EDIL3: variants seen among roughly 807,000 people sequenced by gnomAD.
EDIL3 encodes EGF-like repeat and discoidin I-like domain-containing protein 3.
EDIL3 carries 37 observed loss-of-function variants against 67.4 expected under a neutral mutation model. The ratio of observed to expected loss-of-function variants is 0.55; its 90% CI spans 0.42 to 0.72. EDIL3 has a LOEUF of 0.72. Among genes scored for constraint, EDIL3 ranks in the 30% least tolerant of loss-of-function variants. The probability of loss-of-function intolerance (pLI) is 0.00; values close to 1 mark genes in which losing one functional copy is unlikely to be tolerated. For synonymous variants in EDIL3, 195 were observed against 196.3 expected (o/e 0.99, Z 0.05); for missense variants, 527 against 586.3 (o/e 0.90, Z 1.04).
At chr5:84,236,550 T>C (rs1744686529) in intron 2 of EDIL3, among the ~76,000 whole-genome samples, 1 of 152,106 alleles carries the variant, frequency 6.6e-6, no homozygotes, top group Non-Finnish European at 1.5e-5. Context: ...TCTCCAGATA[T>C]TCCCTTCTAA....
intron 3 of EDIL3, among the ~76,000 whole-genome samples, chr5:84,215,293 GCC>G (rs1489629416): frequency 6.6e-6 from 1 of 151,028 alleles, no homozygotes; most frequent in Non-Finnish European, 1.5e-5. Context: ...TTGCTCTGTC[GCC>G]CAGGCTGGAG....
In EDIL3 at chr5:84,161,891, A is replaced by C. The variant is rs376074667; in HGVS notation, c.355+18502T>G. Among the ~76,000 whole-genome samples, 348 of 152,286 alleles carry C rather than the reference A, an allele frequency of 2.3e-3. 1 individual carries two copies. The highest frequency in any genetic ancestry group is 3.4e-3 in the Middle Eastern group (1 of 294). On this transcript the variant is annotated intron_variant, in intron 4 of 10. Coordinates refer to ENST00000296591, the MANE Select transcript of EDIL3 (RefSeq NM_005711.5). ...TATCTTTCTAACAATGTGGAAGACT[A>C]GGTTGGAATTTAGAACTCTAAATTT...
intron 9 of EDIL3, among the ~76,000 whole-genome samples, chr5:83,988,517 A>C (rs1745094144): frequency 1.3e-5 from 2 of 152,136 alleles, no homozygotes; most frequent in Non-Finnish European, 2.9e-5. Flanking sequence ...GGAGTGGAAG[A>C]GCTCTCTCTG....
At chr5:84,197,439 A>T (rs1246899555) in intron 3 of EDIL3, among the ~76,000 whole-genome samples, 1 of 151,842 alleles carries the variant, frequency 6.6e-6, no homozygotes, top group Non-Finnish European at 1.5e-5. Context: ...CTCAAAGTTA[A>T]GTAAAGCAGT....
At chr5:84,022,452 C>T (rs1301205518) in intron 9 of EDIL3, among the ~76,000 whole-genome samples, 1 of 151,882 alleles carries the variant, frequency 6.6e-6, no homozygotes, top group Non-Finnish European at 1.5e-5. Context: ...TAAGCCACAG[C>T]TACACAAATT....
In EDIL3 at chr5:84,229,758, G is replaced by T. The variant is rs111677737; in HGVS notation, c.226+97C>A. ...ATAAACAAACCTGTGCCAATTTTCT[G>T]GTTGAAATCTGAAAAAATATTACTC... On this transcript the variant is annotated intron_variant, in intron 3 of 10. Coordinates refer to ENST00000296591, the MANE Select transcript of EDIL3 (RefSeq NM_005711.5). 233 of 1,292,544 alleles carry T rather than the reference G, an allele frequency of 1.8e-4. No individual in the cohort carries two copies. The African/African-American group carries it at 3.0e-3, about 17-fold the overall frequency. 80.1% of individuals were successfully genotyped at this position (1,292,544 alleles called of 1,614,324 possible). A position where few individuals can be genotyped will look rare whatever the true frequency, so the allele number is the denominator to read the frequency against.
intron 6 of EDIL3, among the ~76,000 whole-genome samples, chr5:84,097,203 C>A (rs1747280392): frequency 6.6e-6 from 1 of 152,062 alleles, no homozygotes; most frequent in Admixed American, 6.6e-5. Flanking sequence ...AAAAAGGGAA[C>A]ATATTAAGAT....
At chr5:83,993,747 A>G (rs552776384) in intron 9 of EDIL3, among the ~76,000 whole-genome samples, 1 of 152,306 alleles carries the variant, frequency 6.6e-6, no homozygotes, top group African/African-American at 2.4e-5. Context: ...CAAGGAATTT[A>G]AATGTGTAAA....
chr5:84,075,446 C>A (rs981690521), intron 6 of EDIL3, among the ~76,000 whole-genome samples: 3 of 151,814 alleles, frequency 2.0e-5, no homozygotes, highest in African/African-American at 7.3e-5. Flanking sequence ...TTTGCAACAT[C>A]CAAATTTGAC....
intron 5 of EDIL3, among the ~76,000 whole-genome samples, chr5:84,113,481 C>G (rs1238169299): frequency 6.6e-6 from 1 of 152,142 alleles, no homozygotes; most frequent in African/African-American, 2.4e-5. Flanking sequence ...GCTGGGCTAG[C>G]TGGGGGCCAA....
At chr5:84,137,712 C>T (rs1388414357) in intron 4 of EDIL3, among the ~76,000 whole-genome samples, 1 of 152,086 alleles carries the variant, frequency 6.6e-6, no homozygotes, top group African/African-American at 2.4e-5. Flanking sequence ...CTTACAAGAT[C>T]GAGAAACCTC....
intron 6 of EDIL3, among the ~76,000 whole-genome samples, chr5:84,096,524 G>A (rs765610247): frequency 3.3e-5 from 5 of 152,164 alleles, no homozygotes; most frequent in East Asian, 1.9e-4. Flanking sequence ...TGGAATGGCC[G>A]TATTTAACTA....
intron 4 of EDIL3, among the ~76,000 whole-genome samples, chr5:84,143,211 C>T (rs1424628416): frequency 1.3e-5 from 2 of 152,106 alleles, no homozygotes; most frequent in Non-Finnish European, 2.9e-5. Context: ...TAATTTATTT[C>T]CCAGTCACTT....
At chr5:84,384,193 G>T in intron 1 of EDIL3, 115 bp downstream of exon 1, 2 of 1,332,922 alleles carry the variant, frequency 1.5e-6, no homozygotes, top group Non-Finnish European at 2.0e-6. Context: ...CGCGCCGCCA[G>T]CGGCGCTCGC....
At chr5:84,204,862 T>C (rs1402208703) in intron 3 of EDIL3, among the ~76,000 whole-genome samples, 14 of 151,954 alleles carry the variant, frequency 9.2e-5, no homozygotes, top group African/African-American at 3.1e-4. Context: ...TTTTTTATAA[T>C]TTTTAAATGT....
At chr5:84,044,085 G>A (rs1034565678) in intron 9 of EDIL3, among the ~76,000 whole-genome samples, 1 of 151,906 alleles carries the variant, frequency 6.6e-6, no homozygotes, top group African/African-American at 2.4e-5. Flanking sequence ...AGGCCCCTGT[G>A]TGTGATGTCC....
At chr5:84,187,153 T>C (rs1438168266) in intron 3 of EDIL3, among the ~76,000 whole-genome samples, 1 of 152,032 alleles carries the variant, frequency 6.6e-6, no homozygotes, top group African/African-American at 2.4e-5. Flanking sequence ...GGACAGCATA[T>C]GATCAATATT....
At chr5:84,300,238 C>T (rs1395930036) in intron 1 of EDIL3, among the ~76,000 whole-genome samples, 1 of 152,188 alleles carries the variant, frequency 6.6e-6, no homozygotes, top group Non-Finnish European at 1.5e-5. Flanking sequence ...AGCAACCTTG[C>T]ATCTCTTTGA....
Position 84,051,422 on chromosome 5 carries a change from G to A in EDIL3, c.1137+8878C>T, listed in dbSNP as rs544174984. ...AGCACCTCTCCTCCTGCAAAGGAAC[G>A]CAGCTCCTCACCAGCAACGGAACAA... On this transcript the variant is annotated intron_variant, in intron 9 of 10. Coordinates refer to ENST00000296591, the MANE Select transcript of EDIL3 (RefSeq NM_005711.5). 7.9e-5 allele frequency among the ~76,000 whole-genome samples: 12 copies of A among 152,306 alleles called. 1 individual carries two copies. The highest frequency in any genetic ancestry group is 5.8e-4 in the East Asian group (3 of 5,182).
Sources: allele counts gnomAD v4.1 joint callset (sites outside exome capture counted in the v4.1 genomes callset), GRCh38; gene constraint gnomAD v4.1.1; transcripts MANE v1.5; gene names NCBI Gene and HGNC (gene_info 2026-07-23, HGNC 2026-07-21).